TBC1D31: variants seen among roughly 807,000 people sequenced by gnomAD.
The protein encoded by TBC1D31 is TBC1 domain family member 31, also known as WD repeat domain 67.
A neutral mutation model predicts 132.9 loss-of-function variants in TBC1D31; 99 were observed. That is an observed-to-expected ratio of 0.74 (90% CI 0.63 to 0.88). TBC1D31 has a LOEUF of 0.88. TBC1D31 is among the 40% of genes least tolerant of loss of function. The pLI, the probability that TBC1D31 is intolerant of heterozygous loss-of-function variation, is 0.00. For missense variants in TBC1D31, 1,134 were observed against 1,256.6 expected, an observed-to-expected ratio of 0.90 and a Z score of 1.48; for synonymous variants, 385 against 419.4, an observed-to-expected ratio of 0.92 and a Z score of 1.00.
intron 7 of TBC1D31, chr8:123,103,805 A>G (rs897141683): frequency 6.6e-6 from 1 of 152,216 alleles, no homozygotes; most frequent in African/African-American, 2.4e-5. Context: ...TCTGCTTGTT[A>G]TCTGTTGAGC....
intron 5 of TBC1D31, 85 bp downstream of exon 5, chr8:123,093,827 A>G: frequency 2.0e-6 from 2 of 1,000,380 alleles, no homozygotes; most frequent in Non-Finnish European, 2.7e-6. Flanking sequence ...GTTTTTATTC[A>G]GTATCTTTTT....
rs569682399 is a variant in TBC1D31, at chr8:123,117,492, C to T, written c.1437-2563C>T. 5.9e-5 allele frequency among the ~76,000 whole-genome samples: 9 copies of T among 152,192 alleles called. No homozygotes were observed. The South Asian group carries it at 1.9e-3, about 32-fold the overall frequency. On this transcript the variant is annotated intron_variant, in intron 10 of 21. Coordinates refer to ENST00000287380, the MANE Select transcript of TBC1D31 (RefSeq NM_145647.4). Reference sequence around the variant, plus strand: ...CTAGTACACCAGGCGTGGTGGCTCACGCCTGTAATCCCAGCACTTTGGGAG... The same window carrying T: ...CTAGTACACCAGGCGTGGTGGCTCATGCCTGTAATCCCAGCACTTTGGGAG...
intron 9 of TBC1D31, 29 bp from the exon 10 acceptor site, chr8:123,109,445 G>A: frequency 6.2e-7 from 1 of 1,609,028 alleles, no homozygotes; most frequent in Non-Finnish European, 8.5e-7. Context: ...AAAAAAAATT[G>A]GGGGGATTAA....
At chr8:123,093,922 T>C (rs1281143111) in intron 5 of TBC1D31, among the ~76,000 whole-genome samples, 180 bp downstream of exon 5, 1 of 152,134 alleles carries the variant, frequency 6.6e-6, no homozygotes, top group Non-Finnish European at 1.5e-5. Flanking sequence ...TACACAAAAA[T>C]AGAAAAATAC....
chr8:123,089,386 A>G (rs1816112947), intron 4 of TBC1D31, among the ~76,000 whole-genome samples: 1 of 152,208 alleles, frequency 6.6e-6, no homozygotes, highest in South Asian at 2.1e-4. Context: ...TTTTACCATC[A>G]AGCCTATGAT....
At chr8:123,142,218 C>G in intron 18 of TBC1D31, 44 bp from the exon 19 acceptor site, 2 of 1,420,660 alleles carry the variant, frequency 1.4e-6, no homozygotes, top group Non-Finnish European at 1.9e-6. Flanking sequence ...ATTTTATGTA[C>G]TAGTAGTTTG....
intron 5 of TBC1D31, 80 bp downstream of exon 5, chr8:123,093,822 T>A (rs2130178898): frequency 9.7e-7 from 1 of 1,028,332 alleles, no homozygotes; most frequent in East Asian, 2.9e-5. Flanking sequence ...ATTTAGTTTT[T>A]ATTCAGTATC....
In TBC1D31 at chr8:123,097,274, T is replaced by A. The variant is rs777438716; in HGVS notation, c.672-8T>A. 35 of 1,612,886 alleles carry A rather than the reference T, an allele frequency of 2.2e-5. No homozygotes were observed. The highest frequency in any genetic ancestry group is 2.5e-6 in the Non-Finnish European group (3 of 1,179,722). On this transcript the variant is annotated splice_region_variant and splice_polypyrimidine_tract_variant and intron_variant, in intron 5 of 21. Coordinates refer to ENST00000287380, the MANE Select transcript of TBC1D31 (RefSeq NM_145647.4). ...CCGTTTTTCTTTCTCACTTTTTTGT[T>A]TATATAGAGATGGCCGAATCCTGGC...
At chr8:123,095,633 T>G (rs1198338932) in intron 5 of TBC1D31, among the ~76,000 whole-genome samples, 1 of 152,228 alleles carries the variant, frequency 6.6e-6, no homozygotes, top group Non-Finnish European at 1.5e-5. Flanking sequence ...CTCTCATCTT[T>G]GACTAATAGG....
intron 4 of TBC1D31, among the ~76,000 whole-genome samples, chr8:123,092,835 G>T (rs1212424651): frequency 4.1e-4 from 27 of 65,730 alleles, no homozygotes; most frequent in African/African-American, 1.8e-3. Flanking sequence ...TTTTTGAGAC[G>T]AAGGCTCACT....
intron 5 of TBC1D31, among the ~76,000 whole-genome samples, chr8:123,096,415 G>T (rs1816845339): frequency 6.6e-6 from 1 of 152,144 alleles, no homozygotes. Context: ...CAGCCAGTCT[G>T]GAATACTGAT....
chr8:123,138,575 G>A (rs1326818367), intron 17 of TBC1D31, among the ~76,000 whole-genome samples: 4 of 152,112 alleles, frequency 2.6e-5, no homozygotes, highest in Non-Finnish European at 4.4e-5. Context: ...GTACCTGTTA[G>A]CATTTACTCT....
chr8:123,084,054 A>G, intron 3 of TBC1D31, 108 bp from the exon 4 acceptor site: 7 of 928,744 alleles, frequency 7.5e-6, no homozygotes, highest in South Asian at 3.2e-5. Flanking sequence ...GGTGCCTCAT[A>G]TAATACCTAA....
chr8:123,091,630 T>A (rs1370879106), intron 4 of TBC1D31, among the ~76,000 whole-genome samples: 1 of 152,208 alleles, frequency 6.6e-6, no homozygotes, highest in African/African-American at 2.4e-5. Flanking sequence ...TATTGTCTTA[T>A]TGGCATTAAT....
intron 20 of TBC1D31, among the ~76,000 whole-genome samples, chr8:123,146,547 A>G (rs891033541): frequency 6.6e-6 from 1 of 152,074 alleles, no homozygotes; most frequent in Non-Finnish European, 1.5e-5. Flanking sequence ...GATATTATGT[A>G]TTTTTTTAAT....
chr8:123,121,737 TAGCCAGTCTC>T (rs1171765194), intron 11 of TBC1D31, among the ~76,000 whole-genome samples: 1 of 152,134 alleles, frequency 6.6e-6, no homozygotes, highest in African/African-American at 2.4e-5. Context: ...CTTTATAAAT[TAGCCAGTCTC>T]AGGTATTTCT....
chr8:123,147,213 G>A (rs1586744495), intron 20 of TBC1D31, among the ~76,000 whole-genome samples: 3 of 148,046 alleles, frequency 2.0e-5, no homozygotes. Flanking sequence ...TCGCTTTGTC[G>A]CCAGGCTGGA....
At chr8:123,134,973 C>T (rs561992156) in intron 17 of TBC1D31, among the ~76,000 whole-genome samples, 1 of 152,262 alleles carries the variant, frequency 6.6e-6, no homozygotes, top group South Asian at 2.1e-4. Flanking sequence ...CATCTCAGCT[C>T]ACTACAACCT....
intron 2 of TBC1D31, among the ~76,000 whole-genome samples, chr8:123,079,748 G>C (rs1401869875): frequency 1.3e-5 from 2 of 152,026 alleles, no homozygotes; most frequent in African/African-American, 4.8e-5. Context: ...TGACTGCCAG[G>C]CCTCCTGATT....
Sources: gnomAD v4.1 joint callset for allele counts (sites outside exome capture counted in the v4.1 genomes callset) on GRCh38, gnomAD v4.1.1 for gene constraint, MANE v1.5 for transcripts, NCBI Gene and HGNC (gene_info 2026-07-23, HGNC 2026-07-21) for gene names.